The following XPNPEP3 variants were observed in gnomAD, a reference collection of about 807,000 sequenced individuals.
XPNPEP3 encodes the protein X-prolyl aminopeptidase 3.
Under a neutral mutation model 60.0 loss-of-function variants are expected in XPNPEP3, and 41 were observed. The ratio of observed to expected loss-of-function variants is 0.68; its 90% CI spans 0.53 to 0.89. XPNPEP3 has a LOEUF of 0.89. Among genes scored for constraint, XPNPEP3 ranks in the 40% least tolerant of loss-of-function variants. The pLI is 0.00. For synonymous variants in XPNPEP3, 212 were observed against 223.2 expected (o/e 0.95, Z 0.45); for missense variants, 598 against 638.9 (o/e 0.94, Z 0.69).
intron 7 of XPNPEP3, 98 bp downstream of exon 7, chr22:40,914,422 TC>T: frequency 9.5e-7 from 1 of 1,051,050 alleles, no homozygotes; most frequent in Non-Finnish European, 1.5e-6. Context: ...ATACTATAGG[TC>T]CATTCCTGGT....
intron 3 of XPNPEP3, among the ~76,000 whole-genome samples, chr22:40,884,400 G>T (rs1416804364): frequency 7.9e-5 from 12 of 150,970 alleles, no homozygotes; most frequent in Non-Finnish European, 1.8e-4. Context: ...CACCATCTCG[G>T]CTCACTGCAA....
At chr22:40,878,848 A>C (rs887160976) in intron 2 of XPNPEP3, among the ~76,000 whole-genome samples, 7 of 152,154 alleles carry the variant, frequency 4.6e-5, no homozygotes, top group African/African-American at 7.2e-5. Context: ...TCGGCCTCTC[A>C]AAGTGCTAGG....
At position 40,886,364 on chromosome 22, in the gene XPNPEP3, T is replaced by G; in HGVS notation, c.641T>G (p.Leu214Arg). ...YDWMRPSHAQ[L>R]HSDYMQPLTE... ...TGGATGAGGCCCTCACATGCACAGCTTCACTCTGACTATATGCAGCCCCTG... is the reference window on the plus strand; with the variant it reads ...TGGATGAGGCCCTCACATGCACAGCGTCACTCTGACTATATGCAGCCCCTG... The change falls in exon 4 of 10, where the codon CTT becomes CGT. Residue 214 changes from leucine to arginine, a missense_variant. By Grantham distance (102) the Leu-to-Arg change is moderately radical (BLOSUM62 -2). Coordinates refer to ENST00000357137, the MANE Select transcript of XPNPEP3 (RefSeq NM_022098.4). 4 of 1,614,156 alleles carry G rather than the reference T, an allele frequency of 2.5e-6. No homozygotes were observed. In the South Asian group the frequency reaches 4.4e-5, roughly 18 times the overall value.
At chr22:40,878,842 C>T (rs2058037116) in intron 2 of XPNPEP3, among the ~76,000 whole-genome samples, 2 of 152,056 alleles carry the variant, frequency 1.3e-5, no homozygotes, top group Admixed American at 1.3e-4. Context: ...CCTGCCTCGG[C>T]CTCTCAAAGT....
chr22:40,876,491 A>G (rs1296522737), intron 2 of XPNPEP3, among the ~76,000 whole-genome samples: 1 of 152,228 alleles, frequency 6.6e-6, no homozygotes, highest in Non-Finnish European at 1.5e-5. Context: ...AGTCAGTGCT[A>G]TTGTTATTTC....
At chr22:40,884,316 A>C (rs1226578949) in intron 3 of XPNPEP3, among the ~76,000 whole-genome samples, 1 of 149,428 alleles carries the variant, frequency 6.7e-6, no homozygotes, top group Non-Finnish European at 1.5e-5. Context: ...TCTCAAAAGT[A>C]CTTCTCGGTC....
chr22:40,904,863 C>T (rs2058148631), intron 4 of XPNPEP3, among the ~76,000 whole-genome samples: 3 of 151,852 alleles, frequency 2.0e-5, no homozygotes, highest in Non-Finnish European at 4.4e-5. Context: ...CTTCCGGGTA[C>T]AAGTGATTCT....
At chr22:40,894,339 C>T (rs565889822) in intron 4 of XPNPEP3, among the ~76,000 whole-genome samples, 10 of 152,300 alleles carry the variant, frequency 6.6e-5, no homozygotes, top group Non-Finnish European at 1.3e-4. Flanking sequence ...TTATTGACTT[C>T]TTTCCCCTTA....
At chr22:40,890,624 T>G (rs2058084922) in intron 4 of XPNPEP3, among the ~76,000 whole-genome samples, 1 of 152,174 alleles carries the variant, frequency 6.6e-6, no homozygotes, top group Non-Finnish European at 1.5e-5. Context: ...CCCAACACTT[T>G]GGGAGGCCAA....
At chr22:40,873,098 C>CTTTTTCTTTTTT (rs941780396) in intron 2 of XPNPEP3, among the ~76,000 whole-genome samples, 4 of 88,504 alleles carry the variant, frequency 4.5e-5, no homozygotes, top group African/African-American at 1.8e-4. Context: ...TTTTCTTTTT[C>CTTTTTCTTTTTT]TTTTTTTTTT....
chr22:40,887,341 A>C (rs1027543583), intron 4 of XPNPEP3, among the ~76,000 whole-genome samples: 5 of 152,114 alleles, frequency 3.3e-5, no homozygotes, highest in African/African-American at 1.2e-4. Flanking sequence ...TCTCTTACAG[A>C]TTAGGAATCA....
At position 40,928,789 on chromosome 22, in the gene XPNPEP3, G is replaced by A. The variant is rs537360896; in HGVS notation, c.*2354G>A. 6.6e-6 allele frequency: 1 copy of A among 152,332 alleles called. No individual in the cohort carries two copies. Among genetic ancestry groups the A allele is most frequent in the South Asian group, 2.1e-4 (1 of 4,830 alleles). The allele number at this position is 152,332 out of a possible 1,614,324, so 9.4% of individuals were successfully genotyped here. ...ATTAACAATCTCTGTAATGCTGGAA[G>A]TTTGCCTATCTTATCAGGGAAACCC... is the stretch of plus-strand genomic sequence containing the variant. On this transcript the variant is annotated 3_prime_UTR_variant, in exon 10 of 10. Transcript: ENST00000357137.
intron 1 of XPNPEP3, chr22:40,861,608 G>A: frequency 6.2e-7 from 1 of 1,612,844 alleles, no homozygotes; most frequent in Non-Finnish European, 8.5e-7. Context: ...CTCTGTTTCT[G>A]TTTCCATAGG....
intron 7 of XPNPEP3, among the ~76,000 whole-genome samples, chr22:40,922,001 C>T (rs2058218385): frequency 1.3e-5 from 2 of 151,710 alleles, no homozygotes; most frequent in South Asian, 4.2e-4. Flanking sequence ...GTAGTCTATG[C>T]TGTAAGGGAT....
At chr22:40,911,967 A>G (rs1411999023) in intron 6 of XPNPEP3, among the ~76,000 whole-genome samples, 1 of 152,192 alleles carries the variant, frequency 6.6e-6, no homozygotes, top group Admixed American at 6.5e-5. Context: ...TGATGATAAC[A>G]CAAAAGACTG....
chr22:40,868,728 C>G (rs2057991155), intron 1 of XPNPEP3, among the ~76,000 whole-genome samples: 1 of 152,016 alleles, frequency 6.6e-6, no homozygotes, highest in South Asian at 2.1e-4. Context: ...CACCTGTAAT[C>G]CCAGCTATGT....
At chr22:40,910,932 A>C (rs2058174731) in intron 6 of XPNPEP3, among the ~76,000 whole-genome samples, 1 of 152,112 alleles carries the variant, frequency 6.6e-6, no homozygotes, top group Non-Finnish European at 1.5e-5. Context: ...CACTTGAACC[A>C]GGGAGTCGGA....
intron 2 of XPNPEP3, among the ~76,000 whole-genome samples, chr22:40,880,633 G>A (rs1447180157): frequency 6.6e-6 from 1 of 151,788 alleles, no homozygotes; most frequent in Non-Finnish European, 1.5e-5. Context: ...ACTGTACAGT[G>A]TGTGTATATA....
chr22:40,860,635 T>C (rs1405662911), intron 1 of XPNPEP3: 3 of 1,276,792 alleles, frequency 2.3e-6, no homozygotes, highest in South Asian at 1.5e-5. Flanking sequence ...AGTAAAAAAC[T>C]CATTGCAGTT....
Sources: allele counts gnomAD v4.1 joint callset (sites outside exome capture counted in the v4.1 genomes callset), GRCh38; gene constraint gnomAD v4.1.1; transcripts MANE v1.5; gene names NCBI Gene and HGNC (gene_info 2026-07-23, HGNC 2026-07-21).